Variants in POLR3E observed in about 807,000 individuals in gnomAD.
The protein encoded by POLR3E is DNA-directed RNA polymerase III subunit RPC5.
In POLR3E, 41 loss-of-function variants were observed where a neutral mutation model predicts 96.6. The ratio of observed to expected loss-of-function variants is 0.42; its 90% CI spans 0.33 to 0.55. POLR3E has a LOEUF of 0.55. POLR3E is among the 20% of genes least tolerant of loss of function. The pLI is 0.06. For missense variants in POLR3E, 849 were observed against 952.1 expected (o/e 0.89, Z 1.43); for synonymous variants, 396 against 383.6 (o/e 1.03, Z -0.38).
At chr16:22,325,686 C>T in intron 17 of POLR3E, 75 bp from the exon 18 acceptor site, 1 of 1,466,408 alleles carries the variant, frequency 6.8e-7, no homozygotes, top group Non-Finnish European at 9.0e-7. Flanking sequence ...CTTGCTGCAG[C>T]CCCGCGGTCC....
chr16:22,307,287 C>G (rs2141742778), intron 3 of POLR3E, among the ~76,000 whole-genome samples: 1 of 152,302 alleles, frequency 6.6e-6, no homozygotes, highest in African/African-American at 2.4e-5. Flanking sequence ...GAACTGCCCC[C>G]AGCCCCAGCC....
rs1233639573 is a variant in POLR3E at position 22,322,333 on chromosome 16, TTCC to T, written c.987-514_987-512del. On this transcript the variant is annotated intron_variant, in intron 13 of 20. Coordinates refer to ENST00000299853, the MANE Select transcript of POLR3E (RefSeq NM_018119.4). This position sits in a 1 kb window ranked among gnomAD's most constrained non-coding sequence, Gnocchi z 5.2. Reference sequence around the variant, plus strand: ...GCCCTGCTGTCCAAGGCCCCGGCCTTTCCTCTGAAGTTCCCTGAACCTTGAGTG... The same window carrying T: ...GCCCTGCTGTCCAAGGCCCCGGCCTTTCTGAAGTTCCCTGAACCTTGAGTG... Among the ~76,000 whole-genome samples the T allele has an allele frequency of 2.0e-5, 3 of 152,174 alleles. No homozygotes were observed. Among genetic ancestry groups the T allele is most frequent in the Non-Finnish European group, 4.4e-5 (3 of 68,028 alleles).
Position 22,324,381 on chromosome 16 carries a change from G to A in POLR3E, c.1096G>A (p.Val366Met), listed in dbSNP as rs2048533422. ...GTGGAAGTTCACGCAGAGCCGCTGG[G>A]TGGTTAGGAAAGAGGTGGCAACCGT... Reference protein sequence around the residue: ...VMWKFTQSRWVVRKEVATVTK... With the variant: ...VMWKFTQSRWMVRKEVATVTK... Residue 366 changes from valine (V) to methionine (M), a missense_variant, in exon 15 of 21, where the codon GTG (valine) becomes ATG (methionine). By Grantham distance (21) the Val-to-Met change is conservative. Transcript: ENST00000299853. The A allele has an allele frequency of 6.2e-7, 1 of 1,612,978 alleles. No individual in the cohort carries two copies. Among genetic ancestry groups the A allele is most frequent in the Non-Finnish European group, 8.5e-7 (1 of 1,179,736 alleles).
At position 22,326,250 on chromosome 16, in the gene POLR3E, C is replaced by T; in HGVS notation, c.1838C>T (p.Ala613Val). 1 of 1,608,344 alleles carries T rather than the reference C, an allele frequency of 6.2e-7. No homozygotes were observed. Among genetic ancestry groups the T allele is most frequent in the South Asian group, 1.1e-5 (1 of 90,440 alleles). Residue 613 changes from alanine (A) to valine (V), a missense_variant, in exon 18 of 21, where the codon GCC becomes GTC. By Grantham distance (64) the Ala-to-Val change is moderately conservative. Coordinates refer to ENST00000299853, the MANE Select transcript of POLR3E (RefSeq NM_018119.4). The part of the protein sequence containing the change: ...SDRMLQDTVL[A>V]AGCKQILVPF... ...CGCATGCTACAGGACACGGTGCTGG[C>T]CGCCGGTTGCAAGCAGATACTGGTG...
intron 5 of POLR3E, 122 bp from the exon 6 acceptor site, chr16:22,309,306 C>T: frequency 1.2e-6 from 1 of 823,782 alleles, no homozygotes; most frequent in Non-Finnish European, 2.1e-6. Flanking sequence ...GTAGGCTGCC[C>T]TGCGGCCTTG....
rs908413751 is a variant in POLR3E at position 22,318,163 on chromosome 16, G to A, written c.866-663G>A. On this transcript the variant is annotated intron_variant, in intron 12 of 20. Transcript: ENST00000299853. The surrounding 1 kb of genome is among the most constrained non-coding windows in gnomAD (Gnocchi z 5.0). ...GGCTGGAGTGCAGTGGCACAATCTCGGCTCACTGCAACCTCCGCCTCCCGG... is the reference window on the plus strand; with the variant it reads ...GGCTGGAGTGCAGTGGCACAATCTCAGCTCACTGCAACCTCCGCCTCCCGG... 6.6e-6 allele frequency among the ~76,000 whole-genome samples: 1 copy of A among 151,566 alleles called. No individual in the cohort carries two copies. The highest frequency in any genetic ancestry group is 2.4e-5 in the African/African-American group (1 of 41,174).
At chr16:22,303,335 A>G (rs903878675) in intron 2 of POLR3E, among the ~76,000 whole-genome samples, 2 of 152,044 alleles carry the variant, frequency 1.3e-5, no homozygotes, top group African/African-American at 4.8e-5. Context: ...CATCCCCTAG[A>G]TATCAGTTGA....
chr16:22,332,967 CTTTTTTTTTT>C (rs1166614906), intron 20 of POLR3E, among the ~76,000 whole-genome samples: 4 of 73,064 alleles, frequency 5.5e-5, no homozygotes, highest in African/African-American at 2.0e-4. Context: ...CGTAGACCCC[CTTTTTTTTTT>C]TTTTTTTTTT....
intron 5 of POLR3E, 172 bp downstream of exon 5, chr16:22,309,212 A>T: frequency 1.5e-6 from 1 of 657,952 alleles, no homozygotes. Context: ...AGCTGGTCCC[A>T]GAGCTCCTAC....
At chr16:22,312,033 G>A (rs905138772) in intron 6 of POLR3E, among the ~76,000 whole-genome samples, 11 of 152,204 alleles carry the variant, frequency 7.2e-5, no homozygotes, top group African/African-American at 2.2e-4. Context: ...ATGTGTGGCT[G>A]TATGTGAAAT....
At position 22,322,920 on chromosome 16, in the gene POLR3E, C is replaced by T; in HGVS notation, c.1057C>T (p.Arg353Ter). 3.1e-6 allele frequency: 5 copies of T among 1,611,360 alleles called. No individual in the cohort carries two copies. Among genetic ancestry groups the T allele is most frequent in the South Asian group, 1.1e-5 (1 of 90,820 alleles). The change falls in exon 14 of 21, where the codon CGA (arginine) becomes TGA (stop). Residue 353 changes from arginine to a stop codon, truncating the protein, a stop_gained. Coordinates refer to ENST00000299853, the MANE Select transcript of POLR3E (RefSeq NM_018119.4). LOFTEE classifies it high-confidence loss of function. This position sits in a 1 kb window ranked among gnomAD's most constrained non-coding sequence, Gnocchi z 5.2. Reference protein sequence around the residue: ...GVPAEVLCRGRDFVMWKFTQS... With the variant: ...GVPAEVLCRG The stretch of plus-strand genomic sequence containing the variant: ...GCCTGCTGAGGTGCTCTGCAGGGGC[C>T]GAGACTTCGTTGTAAGTACCTTGGG...
At chr16:22,310,930 G>A (rs1332124945) in intron 6 of POLR3E, among the ~76,000 whole-genome samples, 1 of 152,098 alleles carries the variant, frequency 6.6e-6, no homozygotes, top group East Asian at 1.9e-4. Context: ...TTGAAAAAAA[G>A]CATATACAAT....
chr16:22,328,263 C>A, intron 18 of POLR3E: 2 of 523,222 alleles, frequency 3.8e-6, no homozygotes, highest in Non-Finnish European at 6.9e-6. Flanking sequence ...TTTCACTGGG[C>A]CCATCACACT....
chr16:22,309,553 G>C (rs367725704), intron 6 of POLR3E, 43 bp downstream of exon 6: 133 of 1,379,126 alleles, frequency 9.6e-5, no homozygotes, highest in East Asian at 3.0e-4. Flanking sequence ...ATGGCATTGG[G>C]GGGGGCTGGG....
rs369618073 is a variant in POLR3E, at chr16:22,328,518, C to A, written c.1875C>A (p.Pro625=). The A allele has an allele frequency of 9.3e-6, 15 of 1,613,874 alleles. No individual in the cohort carries two copies. The Admixed American group carries it at 1.7e-4, about 18-fold the overall frequency. The change falls in exon 19 of 21, where the codon CCC becomes CCA. Residue 625 remains proline, a synonymous_variant. Coordinates refer to ENST00000299853, the MANE Select transcript of POLR3E (RefSeq NM_018119.4). ...CCCTGGGCCTTGGTCAGTTTCCCCC[C>A]CAGACTGCTGCTTCCCCGGATGAGC... The part of the protein sequence containing the change: ...GCKQILVPFP[P]QTAASPDEQK...
Position 22,308,974 on chromosome 16 carries a change from G to A in POLR3E, c.215G>A (p.Ser72Asn), listed in dbSNP as rs1295913616. The A allele has an allele frequency of 1.2e-6, 2 of 1,614,114 alleles. No homozygotes were observed. The highest frequency in any genetic ancestry group is 1.7e-5 in the Admixed American group (1 of 60,018). Reference protein sequence around the residue: ...IDTLNPNYCRSKGEQIALNVD... With the variant: ...IDTLNPNYCRNKGEQIALNVD... ...ACCCTGAACCCCAACTATTGCCGCA[G>A]CAAAGGGGAGCAGATTGCGCTGAAC... The change falls in exon 5 of 21, where the codon AGC (serine) becomes AAC (asparagine). Residue 72 changes from serine (S) to asparagine (N), a missense_variant. Physicochemically the swap from Ser to Asn is conservative, Grantham distance 46 (BLOSUM62 1). Transcript: ENST00000299853.
At chr16:22,328,312 T>C (rs2048654042) in intron 18 of POLR3E, 198 bp from the exon 19 acceptor site, 1 of 589,508 alleles carries the variant, frequency 1.7e-6, no homozygotes, top group Non-Finnish European at 3.1e-6. Context: ...CTGGGGGGTG[T>C]GCTGGCCTCC....
At chr16:22,328,842 C>G (rs2048669624) in intron 19 of POLR3E, 2 of 443,026 alleles carry the variant, frequency 4.5e-6, no homozygotes, top group East Asian at 9.2e-5. Flanking sequence ...TTAAAAAATA[C>G]AGGCTGGGCG....
rs958212953 is a variant in POLR3E, at chr16:22,313,545, C to G, written c.365-75C>G. 8 of 915,068 alleles carry G rather than the reference C, an allele frequency of 8.7e-6. No homozygotes were observed. The highest frequency in any genetic ancestry group is 1.1e-5 in the Non-Finnish European group (6 of 556,550). 56.7% of individuals were successfully genotyped at this position (915,068 alleles called of 1,614,324 possible). A position where few individuals can be genotyped will look rare whatever the true frequency, so the allele number is the denominator to read the frequency against. On this transcript the variant is annotated intron_variant, in intron 6 of 20. Coordinates refer to ENST00000299853, the MANE Select transcript of POLR3E (RefSeq NM_018119.4). The surrounding 1 kb of genome is among the most constrained non-coding windows in gnomAD (Gnocchi z 4.1). ...GTTTGATGGTGGGCCTAGGCCTTCACGGGACTTGGTGACTCTCTTGAGCCA... is the reference window on the plus strand; with the variant it reads ...GTTTGATGGTGGGCCTAGGCCTTCAGGGGACTTGGTGACTCTCTTGAGCCA...
Sources: allele counts gnomAD v4.1 joint callset (sites outside exome capture counted in the v4.1 genomes callset), GRCh38; gene constraint gnomAD v4.1.1; non-coding constraint Gnocchi (gnomAD v3.1); transcripts MANE v1.5; gene names NCBI Gene and HGNC (gene_info 2026-07-23, HGNC 2026-07-21).